SYTL2: variants seen among roughly 807,000 people sequenced by gnomAD.
SYTL2 encodes the protein synaptotagmin-like protein 2.
Under a neutral mutation model 198.7 loss-of-function variants are expected in SYTL2, and 165 were observed. The observed-to-expected ratio is 0.83, with a 90% CI of 0.73 to 0.94. The LOEUF is 0.94. Ranked by LOEUF, SYTL2 falls within the 40% of genes least tolerant of loss-of-function variation. SYTL2 has a pLI of 0.00. For missense variants in SYTL2, 2,835 were observed against 2,582.8 expected (o/e 1.10, Z -2.12); for synonymous variants, 966 against 917.7 (o/e 1.05, Z -0.95).
chr11:85,719,116 C>A (rs1415502739), intron 9 of SYTL2: 2 of 1,462,444 alleles, frequency 1.4e-6, no homozygotes, highest in Non-Finnish European at 1.8e-6. Context: ...AGCAAGCAAT[C>A]GGCCAGCAGC....
Position 85,808,989 on chromosome 11 carries a change from A to G in SYTL2, c.-390+1965T>C, listed in dbSNP as rs539158045. 1.6e-4 allele frequency among the ~76,000 whole-genome samples: 24 copies of G among 152,302 alleles called. No individual in the cohort carries two copies. The South Asian group carries it at 2.3e-3, about 14-fold the overall frequency. ...TATTTCCAGGGAGCTCTGGAAGCCT[A>G]TACAGGCACAGTTCACCCTACCTCC... On this transcript the variant is annotated intron_variant, in intron 1 of 19. Transcript: ENST00000359152.
rs151089908 is a variant in SYTL2, at chr11:85,811,132, G to C, written c.-568C>G. On this transcript the variant is annotated 5_prime_UTR_variant, in exon 1 of 20. Coordinates refer to ENST00000359152, the MANE Select transcript of SYTL2 (RefSeq NM_206927.4). ...ACGCTGGCGGCACGGCCCGGGTGTC[G>C]CCCGGCACTGTCAACGCAGAGCGGC... The C allele has an allele frequency of 6.6e-6, 1 of 152,126 alleles. No homozygotes were observed. Among genetic ancestry groups the C allele is most frequent in the Non-Finnish European group, 1.5e-5 (1 of 68,026 alleles). 9.4% of individuals were successfully genotyped at this position (152,126 alleles called of 1,614,324 possible).
At chr11:85,828,797 A>T in the SYTL2 span, among the ~76,000 whole-genome samples, 1 of 152,238 alleles carries the variant, frequency 6.6e-6, no homozygotes, top group Admixed American at 6.5e-5. Context: ...TTGTCCTGCT[A>T]GTAGGGGTAC....
At chr11:85,807,861 G>A (rs552215910) in intron 1 of SYTL2, among the ~76,000 whole-genome samples, 7 of 152,144 alleles carry the variant, frequency 4.6e-5, no homozygotes, top group African/African-American at 1.7e-4. Flanking sequence ...CCTTCATGAT[G>A]CTTTTAATTA....
rs17744227 is a variant in SYTL2 at position 85,737,439 on chromosome 11, A to G, written c.471+136T>C. The G allele has an allele frequency of 6.5e-5, 43 of 666,168 alleles. 1 individual carries two copies. In the East Asian group the frequency reaches 1.0e-3, roughly 16 times the overall value. 41.3% of individuals were successfully genotyped at this position (666,168 alleles called of 1,614,324 possible). A position where few individuals can be genotyped will look rare whatever the true frequency, so the allele number is the denominator to read the frequency against. On this transcript the variant is annotated intron_variant, in intron 5 of 19. Transcript: ENST00000359152. The stretch of plus-strand genomic sequence containing the variant: ...ACTTCTTAAACTAGTGACTTCTTAA[A>G]ATAGTGAAAATTACCTGTATTTGGT...
At chr11:85,714,703 T>A in intron 11 of SYTL2, 196 bp from the exon 12 acceptor site, 3 of 1,160,122 alleles carry the variant, frequency 2.6e-6, no homozygotes, top group Non-Finnish European at 3.3e-6. Flanking sequence ...GAGAGAGAAC[T>A]AGCAAGGAGT....
At position 85,734,629 on chromosome 11, in the gene SYTL2, G is replaced by A. The variant is rs770227167; in HGVS notation, c.700C>T (p.Pro234Ser). The A allele has an allele frequency of 3.1e-6, 5 of 1,614,012 alleles. No homozygotes were observed. Among genetic ancestry groups the A allele is most frequent in the East Asian group, 2.2e-5 (1 of 44,902 alleles). ...ATCATCTTCCTGGCTTTGGGGATTG[G>A]AGCCTTGATTTGGGACCCATTTGAA... ...GLSNGSQIKA[P>S]IPKARKMIYK... is the part of the protein sequence containing the mutation. Residue 234 changes from proline (P) to serine (S), a missense_variant, in exon 7 of 20, where the codon CCA becomes TCA. Pro to Ser is a moderately conservative substitution (Grantham distance 74). Around this residue, in one of 3 missense-constraint regions of SYTL2, gnomAD observed 2,645 missense variants for 2,381.7 expected, o/e 1.11. Coordinates refer to ENST00000359152, the MANE Select transcript of SYTL2 (RefSeq NM_206927.4).
chr11:85,842,613 C>T, the SYTL2 span, among the ~76,000 whole-genome samples: 1 of 152,196 alleles, frequency 6.6e-6, no homozygotes, highest in African/African-American at 2.4e-5. Flanking sequence ...ACTAAAACCC[C>T]CATATAAGGG....
chr11:85,810,909 A>G (rs2093023336), intron 1 of SYTL2, 45 bp downstream of exon 1: 1 of 152,322 alleles, frequency 6.6e-6, no homozygotes, highest in East Asian at 1.9e-4. Context: ...TGCCCGAGGT[A>G]ACACAGCGAG....
intron 1 of SYTL2, among the ~76,000 whole-genome samples, chr11:85,770,297 C>T (rs1591978392): frequency 1.3e-5 from 2 of 152,278 alleles, no homozygotes; most frequent in South Asian, 4.1e-4. Flanking sequence ...TGAACCTGTG[C>T]AATCTCCCTC....
chr11:85,819,270 AT>A, the SYTL2 span, among the ~76,000 whole-genome samples: 3 of 152,360 alleles, frequency 2.0e-5, no homozygotes, highest in Middle Eastern at 3.4e-3. Flanking sequence ...AAAAGGAAAA[AT>A]ATTAAAGAAA....
At chr11:85,753,693 A>G (rs758264293) in intron 2 of SYTL2, among the ~76,000 whole-genome samples, 1 of 148,748 alleles carries the variant, frequency 6.7e-6, no homozygotes, top group Non-Finnish European at 1.5e-5. Context: ...TGAGCCCAGG[A>G]GTTGGAGGCT....
Position 85,757,706 on chromosome 11 carries a change from A to G in SYTL2, c.20T>C (p.Leu7Pro), listed in dbSNP as rs772001355. 5 of 1,613,242 alleles carry G rather than the reference A, an allele frequency of 3.1e-6. No individual in the cohort carries two copies. The East Asian group carries it at 1.1e-4, about 36-fold the overall frequency. Residue 7 changes from leucine (L) to proline (P), a missense_variant, in exon 2 of 20, where the codon CTG becomes CCG. This residue lies in a region of SYTL2 where 2,645 missense variants were observed against 2,381.7 expected (regional missense o/e 1.11). Coordinates refer to ENST00000359152, the MANE Select transcript of SYTL2 (RefSeq NM_206927.4). MIDLSFLTEEEQEAIMK... is the reference protein window; with the variant it reads MIDLSFPTEEEQEAIMK... Reference sequence around the variant, plus strand: ...GATGGCCTCTTGTTCCTCTTCAGTCAGGAAGCTTAAGTCAATCATTTTGAA... The same window carrying G: ...GATGGCCTCTTGTTCCTCTTCAGTCGGGAAGCTTAAGTCAATCATTTTGAA...
chr11:85,729,182 G>A (rs770007118), intron 7 of SYTL2, among the ~76,000 whole-genome samples: 7 of 152,088 alleles, frequency 4.6e-5, no homozygotes, highest in Non-Finnish European at 8.8e-5. Context: ...ACAGATCAAC[G>A]ATACAGAAAA....
intron 1 of SYTL2, among the ~76,000 whole-genome samples, chr11:85,781,954 A>G (rs2092567267): frequency 6.6e-6 from 1 of 152,200 alleles, no homozygotes; most frequent in Non-Finnish European, 1.5e-5. Context: ...TGGATCTACC[A>G]TTCTGGGGTC....
Position 85,726,406 on chromosome 11 carries a change from A to G in SYTL2, c.2952T>C (p.Asn984=), listed in dbSNP as rs1217116669. 4 of 1,613,238 alleles carry G rather than the reference A, an allele frequency of 2.5e-6. No individual in the cohort carries two copies. Among genetic ancestry groups the G allele is most frequent in the Middle Eastern group, 1.7e-4 (1 of 6,056 alleles). The change falls in exon 8 of 20, where the codon AAT becomes AAC. Residue 984 remains asparagine, a synonymous_variant. Transcript: ENST00000359152. ...EQVYNPSQFE[N]LRKFWDLEAN... ...CTTCTAAGTCCCAAAACTTTCTCAA[A>G]TTCTCAAACTGAGAGGGATTATAGA...
At chr11:85,784,717 T>C (rs1434266340) in intron 1 of SYTL2, among the ~76,000 whole-genome samples, 1 of 152,216 alleles carries the variant, frequency 6.6e-6, no homozygotes, top group African/African-American at 2.4e-5. Context: ...GTTCGTTTTA[T>C]TAAATCTATG....
At chr11:85,790,812 G>T (rs1315516019) in intron 1 of SYTL2, among the ~76,000 whole-genome samples, 1 of 152,160 alleles carries the variant, frequency 6.6e-6, no homozygotes, top group African/African-American at 2.4e-5. Flanking sequence ...AATGTGAAGA[G>T]ATGAAATGCA....
In SYTL2 at chr11:85,724,275, G is replaced by A; in HGVS notation, c.5083C>T (p.Gln1695Ter). ...AAGCCAGGTTCCTGAAGAGTCCCTT[G>A]TCCCCCTGCAACCCCACTTTCACTG... ...RDSESGVAGG[Q>*]GTLQEPGFGE... Residue 1695 changes from glutamine (Q) to a stop codon, truncating the protein, a stop_gained, in exon 8 of 20, where the codon CAA (glutamine) becomes TAA (stop). Coordinates refer to ENST00000359152, the MANE Select transcript of SYTL2 (RefSeq NM_206927.4). LOFTEE classifies it high-confidence loss of function. 6.4e-7 allele frequency: 1 copy of A among 1,564,530 alleles called. No homozygotes were observed. The highest frequency in any genetic ancestry group is 8.6e-7 in the Non-Finnish European group (1 of 1,161,012).
Sources: allele counts gnomAD v4.1 joint callset (sites outside exome capture counted in the v4.1 genomes callset), GRCh38; gene constraint gnomAD v4.1.1; regional missense constraint gnomAD v4.1.1; transcripts MANE v1.5; gene names NCBI Gene and HGNC (gene_info 2026-07-23, HGNC 2026-07-21).